ARHGEF38: variants seen among roughly 807,000 people sequenced by gnomAD.
The protein encoded by ARHGEF38 is Rho guanine nucleotide exchange factor 38, also known as Rho guanine nucleotide exchange factor (GEF) 38.
A neutral mutation model predicts 79.9 loss-of-function variants in ARHGEF38; 79 were observed. The ratio of observed to expected loss-of-function variants is 0.99; its 90% CI spans 0.82 to 1.19. The LOEUF (loss-of-function observed/expected upper bound fraction) is 1.19, where lower values mean the gene tolerates loss of function less well. Among genes scored for constraint, ARHGEF38 ranks in the 50% most tolerant of loss-of-function variants. ARHGEF38 has a pLI of 0.00. For synonymous variants in ARHGEF38, 366 were observed against 328.3 expected (o/e 1.11, Z -1.24); for missense variants, 962 against 907.2 (o/e 1.06, Z -0.78).
chr4:105,576,423 T>G (rs1726504505), intron 1 of ARHGEF38, among the ~76,000 whole-genome samples: 1 of 129,804 alleles, frequency 7.7e-6, no homozygotes, highest in Non-Finnish European at 1.7e-5. Flanking sequence ...TTTTTTTTTT[T>G]GCAGCCATTG....
In ARHGEF38 at chr4:105,552,636, C is replaced by A; in HGVS notation, c.-130C>A. ...GGTGGTGGCAGTCACAGCCAGGTAA[C>A]CCTGGAGTGAAGCGGTTTAGTTAGA... On this transcript the variant is annotated 5_prime_UTR_variant, in exon 1 of 14. Coordinates refer to ENST00000420470, the MANE Select transcript of ARHGEF38 (RefSeq NM_001242729.2). 3.1e-6 allele frequency: 2 copies of A among 655,518 alleles called. No homozygotes were observed. Among genetic ancestry groups the A allele is most frequent in the Non-Finnish European group, 2.5e-6 (1 of 406,212 alleles). The allele number at this position is 655,518 out of a possible 1,614,324, so 40.6% of individuals were successfully genotyped here.
intron 6 of ARHGEF38, among the ~76,000 whole-genome samples, chr4:105,645,983 A>G (rs1271984211): frequency 3.9e-5 from 6 of 152,232 alleles, no homozygotes; most frequent in African/African-American, 1.2e-4. Context: ...GGATAATTAC[A>G]TGGTTCCTAT....
rs1731184671 is a variant in ARHGEF38, at chr4:105,678,144, C to T, written c.*207C>T. ...GATACATGTTGAAAGAAATACTAAG[C>T]CAACAGAAATAGCAAAGCAAATGAC... On this transcript the variant is annotated 3_prime_UTR_variant, in exon 14 of 14. Transcript: ENST00000420470. 1 of 396,532 alleles carries T rather than the reference C, an allele frequency of 2.5e-6. No individual in the cohort carries two copies. Among genetic ancestry groups the T allele is most frequent in the South Asian group, 1.2e-4 (1 of 8,620 alleles). The allele number at this position is 396,532 out of a possible 1,614,324, so 24.6% of individuals were successfully genotyped here. A position where few individuals can be genotyped will look rare whatever the true frequency, so the allele number is the denominator to read the frequency against.
chr4:105,600,407 C>T (rs560760868), intron 2 of ARHGEF38, among the ~76,000 whole-genome samples: 62 of 152,224 alleles, frequency 4.1e-4, no homozygotes, highest in Non-Finnish European at 7.6e-4. Context: ...CTTCTGTCTT[C>T]CAGGACTCTA....
chr4:105,570,204 G>A (rs1328151245), intron 1 of ARHGEF38: 1 of 152,168 alleles, frequency 6.6e-6, no homozygotes, highest in African/African-American at 2.4e-5. Context: ...TTTTAGAGTT[G>A]TGAGAAAGAT....
At chr4:105,573,462 C>T (rs902624431) in intron 1 of ARHGEF38, among the ~76,000 whole-genome samples, 2 of 152,072 alleles carry the variant, frequency 1.3e-5, no homozygotes, top group African/African-American at 2.4e-5. Flanking sequence ...CCAATTTTCC[C>T]GGCACCATTT....
intron 3 of ARHGEF38, among the ~76,000 whole-genome samples, chr4:105,618,478 G>T (rs902745156): frequency 6.6e-6 from 1 of 151,912 alleles, no homozygotes; most frequent in Non-Finnish European, 1.5e-5. Flanking sequence ...AAAATTAGCC[G>T]GGCGTGGTGG....
chr4:105,673,985 T>C (rs766712924), intron 13 of ARHGEF38, among the ~76,000 whole-genome samples: 1 of 152,132 alleles, frequency 6.6e-6, no homozygotes, highest in Non-Finnish European at 1.5e-5. Flanking sequence ...TACCTTTTAG[T>C]TTTAGAACAG....
intron 7 of ARHGEF38, among the ~76,000 whole-genome samples, chr4:105,649,869 A>G (rs555604674): frequency 6.6e-6 from 1 of 152,356 alleles, no homozygotes; most frequent in Admixed American, 6.5e-5. Flanking sequence ...TAAGAACAAC[A>G]TCTTTGAAGT....
chr4:105,604,346 T>C (rs1469286616), intron 2 of ARHGEF38, among the ~76,000 whole-genome samples: 2 of 152,196 alleles, frequency 1.3e-5, no homozygotes, highest in Non-Finnish European at 2.9e-5. Flanking sequence ...ATTTGTTCTA[T>C]GTTGTACCAG....
chr4:105,671,719 T>C (rs1730963246), intron 13 of ARHGEF38, among the ~76,000 whole-genome samples: 1 of 152,232 alleles, frequency 6.6e-6, no homozygotes, highest in South Asian at 2.1e-4. Context: ...CAGTACATAT[T>C]GTAATATTTC....
intron 5 of ARHGEF38, among the ~76,000 whole-genome samples, chr4:105,641,545 A>T (rs1178489207): frequency 1.3e-5 from 2 of 152,148 alleles, no homozygotes; most frequent in East Asian, 3.8e-4. Context: ...GTAAATTGAA[A>T]AAAGTAACAG....
intron 1 of ARHGEF38, among the ~76,000 whole-genome samples, chr4:105,585,313 A>G (rs1726981718): frequency 1.3e-5 from 2 of 152,210 alleles, no homozygotes; most frequent in South Asian, 2.1e-4. Flanking sequence ...AAGGAAACCA[A>G]GGCTCTGTGA....
At chr4:105,600,997 T>C (rs911138910) in intron 2 of ARHGEF38, among the ~76,000 whole-genome samples, 1 of 152,182 alleles carries the variant, frequency 6.6e-6, no homozygotes, top group Non-Finnish European at 1.5e-5. Context: ...TACAACTGTC[T>C]TGTGACCCAT....
intron 13 of ARHGEF38, among the ~76,000 whole-genome samples, chr4:105,672,332 CA>C (rs1293957301): frequency 3.3e-5 from 5 of 152,070 alleles, no homozygotes; most frequent in African/African-American, 7.2e-5. Flanking sequence ...TTCTCTACCT[CA>C]AGTAAGAAGA....
rs1026530742 is a variant in ARHGEF38 at position 105,667,895 on chromosome 4, G to T, written c.2148+192G>T. 4.6e-5 allele frequency among the ~76,000 whole-genome samples: 7 copies of T among 152,266 alleles called. No individual in the cohort carries two copies. The East Asian group carries it at 1.2e-3, about 25-fold the overall frequency. ...AGCCTGTTTCCTTAAATGAAGCAAA[G>T]AATTAGAGATAAAGTGTGTATGTAA... On this transcript the variant is annotated intron_variant, in intron 13 of 13. Transcript: ENST00000420470.
chr4:105,666,100 T>C (rs1428757716), intron 10 of ARHGEF38, 77 bp from the exon 11 acceptor site: 2 of 1,335,574 alleles, frequency 1.5e-6, no homozygotes, highest in African/African-American at 3.0e-5. Context: ...CAACTGTTCA[T>C]CACAACTCAA....
chr4:105,632,612 C>CT (rs1560735010), intron 4 of ARHGEF38: 1 of 152,120 alleles, frequency 6.6e-6, no homozygotes, highest in African/African-American at 2.4e-5. Flanking sequence ...GAATGAACAC[C>CT]TTTCCTACCT....
intron 2 of ARHGEF38, among the ~76,000 whole-genome samples, chr4:105,612,802 A>G (rs909554782): frequency 2.6e-5 from 4 of 152,180 alleles, no homozygotes; most frequent in African/African-American, 9.6e-5. Context: ...AACACTTGCT[A>G]TAAGATCTAA....
Sources: gnomAD v4.1 joint callset for allele counts (sites outside exome capture counted in the v4.1 genomes callset) on GRCh38, gnomAD v4.1.1 for gene constraint, MANE v1.5 for transcripts, NCBI Gene and HGNC (gene_info 2026-07-23, HGNC 2026-07-21) for gene names.